The following CHSY3 variants were observed in gnomAD, a reference collection of about 807,000 sequenced individuals.
CHSY3 encodes chondroitin sulfate synthase 3, also known as N-acetylgalactosaminyl-proteoglycan 3-beta-glucuronosyltransferase 3.
Under a neutral mutation model 67.2 loss-of-function variants are expected in CHSY3, and 35 were observed. The ratio of observed to expected loss-of-function variants is 0.52; its 90% CI spans 0.40 to 0.69. The LOEUF (loss-of-function observed/expected upper bound fraction) is 0.69, where lower values mean the gene tolerates loss of function less well. CHSY3 is among the 30% of genes least tolerant of loss of function. The pLI is 0.00. For missense variants in CHSY3, 1,069 were observed against 1,138.5 expected (o/e 0.94, Z 0.88); for synonymous variants, 474 against 434.7 (o/e 1.09, Z -1.12).
At chr5:130,030,540 T>G (rs1374649195) in intron 2 of CHSY3, among the ~76,000 whole-genome samples, 1 of 152,204 alleles carries the variant, frequency 6.6e-6, no homozygotes, top group African/African-American at 2.4e-5. Context: ...ATAGGGAAAT[T>G]TTAATGTTAT....
At chr5:130,008,833 A>G (rs1456265909) in intron 2 of CHSY3, among the ~76,000 whole-genome samples, 2 of 152,240 alleles carry the variant, frequency 1.3e-5, no homozygotes, top group African/African-American at 4.8e-5. Flanking sequence ...AAGTATTCAC[A>G]GCAGAGCAGA....
chr5:130,147,398 T>G (rs1769104872), intron 2 of CHSY3, among the ~76,000 whole-genome samples: 1 of 152,184 alleles, frequency 6.6e-6, no homozygotes, highest in Admixed American at 6.5e-5. Flanking sequence ...AATTAATGCA[T>G]TTGTTTCCTT....
chr5:129,904,952 C>T lies in CHSY3; in HGVS notation c.123C>T (p.Gly41=). 3 of 1,559,158 alleles carry T rather than the reference C, an allele frequency of 1.9e-6. No individual in the cohort carries two copies. The highest frequency in any genetic ancestry group is 2.6e-6 in the Non-Finnish European group (3 of 1,157,398). ...VAELSERKRR[G]SSLCSYYGRS... ...AGCTGAGCGAGAGGAAGAGACGTGG[C>T]TCCAGCCTCTGCTCCTACTACGGTC... Residue 41 remains glycine (G), a synonymous_variant, in exon 1 of 3, where the codon GGC becomes GGT. Coordinates refer to ENST00000305031, the MANE Select transcript of CHSY3 (RefSeq NM_175856.5).
chr5:130,152,589 T>C (rs556120139), intron 2 of CHSY3, among the ~76,000 whole-genome samples: 2 of 152,262 alleles, frequency 1.3e-5, no homozygotes, highest in East Asian at 1.9e-4. Context: ...CTTGCTAAAA[T>C]TGGAGGTAAA....
At chr5:130,088,775 G>A (rs1580722003) in intron 2 of CHSY3, among the ~76,000 whole-genome samples, 1 of 152,100 alleles carries the variant, frequency 6.6e-6, no homozygotes, top group African/African-American at 2.4e-5. Flanking sequence ...TTGTTGGTGG[G>A]ACTGTAAACT....
intron 2 of CHSY3, among the ~76,000 whole-genome samples, chr5:130,018,082 T>G (rs982967658): frequency 6.6e-6 from 1 of 152,192 alleles, no homozygotes; most frequent in Non-Finnish European, 1.5e-5. Context: ...GTTCTTTTGT[T>G]TTTTAACAGA....
intron 2 of CHSY3, among the ~76,000 whole-genome samples, chr5:129,931,514 T>C (rs1761307449): frequency 6.6e-6 from 1 of 152,268 alleles, no homozygotes; most frequent in Middle Eastern, 3.4e-3. Flanking sequence ...ATTATACAAG[T>C]TATTGTGGCA....
intron 2 of CHSY3, among the ~76,000 whole-genome samples, chr5:130,036,918 C>G (rs1436213834): frequency 3.3e-5 from 5 of 152,010 alleles, no homozygotes; most frequent in Non-Finnish European, 5.9e-5. Flanking sequence ...ATGATAAATT[C>G]CATGCTAAGT....
At position 129,905,182 on chromosome 5, in the gene CHSY3, C is replaced by A; in HGVS notation, c.353C>A (p.Pro118His). 3 of 1,522,330 alleles carry A rather than the reference C, an allele frequency of 2.0e-6. No individual in the cohort carries two copies. The highest frequency in any genetic ancestry group is 2.4e-5 in the South Asian group (2 of 82,306). The allele number at this position is 1,522,330 out of a possible 1,614,324, so 94.3% of individuals were successfully genotyped here. Reference sequence around the variant, plus strand: ...CAGCAGCGGCGGCGAGGACGCGAGCCTGAGGGCGCGACGGGGCTTCCCGGT... The same window carrying A: ...CAGCAGCGGCGGCGAGGACGCGAGCATGAGGGCGCGACGGGGCTTCCCGGT... The part of the protein sequence containing the change: ...PLQQRRRGRE[P>H]EGATGLPGAP... Residue 118 changes from proline to histidine, a missense_variant, in exon 1 of 3, where the codon CCT (proline) becomes CAT (histidine). By Grantham distance (77) the Pro-to-His change is moderately conservative. This residue lies in a region of CHSY3 where 309 missense variants were observed against 262.5 expected (regional missense o/e 1.18). Coordinates refer to ENST00000305031, the MANE Select transcript of CHSY3 (RefSeq NM_175856.5).
intron 2 of CHSY3, among the ~76,000 whole-genome samples, chr5:129,925,279 T>C (rs990381645): frequency 6.6e-6 from 1 of 152,060 alleles, no homozygotes; most frequent in Non-Finnish European, 1.5e-5. Context: ...GTGGTTGATA[T>C]ATAAACATTC....
At chr5:130,124,370 T>G (rs1768186329) in intron 2 of CHSY3, among the ~76,000 whole-genome samples, 1 of 152,190 alleles carries the variant, frequency 6.6e-6, no homozygotes, top group Non-Finnish European at 1.5e-5. Flanking sequence ...ATTTTCATAA[T>G]GTTGTCTGTA....
At chr5:129,995,889 C>A (rs922242077) in intron 2 of CHSY3, among the ~76,000 whole-genome samples, 1 of 151,956 alleles carries the variant, frequency 6.6e-6, no homozygotes, top group Admixed American at 6.6e-5. Context: ...TATCTCCAAT[C>A]TCCCATCTTT....
rs1421731538 is a variant in CHSY3, at chr5:129,909,819, G to T, written c.1086+1459G>T. ...GTTTTGCAGGTATTTACTTTGCATG[G>T]ATAAGTAAAAAAATATTTGTGTGGA... On this transcript the variant is annotated intron_variant, in intron 2 of 2. Coordinates refer to ENST00000305031, the MANE Select transcript of CHSY3 (RefSeq NM_175856.5). Among the ~76,000 whole-genome samples the T allele has an allele frequency of 5.3e-5, 8 of 151,874 alleles. 1 individual carries two copies. The highest frequency in any genetic ancestry group is 5.2e-4 in the Admixed American group (8 of 15,244).
intron 2 of CHSY3, among the ~76,000 whole-genome samples, chr5:130,124,332 T>C (rs1768183745): frequency 6.6e-6 from 1 of 151,640 alleles, no homozygotes; most frequent in Admixed American, 6.6e-5. Flanking sequence ...TCTTCAGCTA[T>C]TCTTCTGAGA....
At chr5:130,129,018 G>A (rs1768393961) in intron 2 of CHSY3, among the ~76,000 whole-genome samples, 1 of 151,484 alleles carries the variant, frequency 6.6e-6, no homozygotes, top group African/African-American at 2.4e-5. Flanking sequence ...AGTAGGAAAT[G>A]TGCTCAGGCA....
chr5:129,983,329 A>T (rs1446888253), intron 2 of CHSY3, among the ~76,000 whole-genome samples: 1 of 152,104 alleles, frequency 6.6e-6, no homozygotes, highest in African/African-American at 2.4e-5. Flanking sequence ...TCACAGAGAC[A>T]GTGTGATTAG....
At chr5:129,917,230 G>C (rs1022759660) in intron 2 of CHSY3, among the ~76,000 whole-genome samples, 2 of 152,032 alleles carry the variant, frequency 1.3e-5, no homozygotes, top group African/African-American at 2.4e-5. Context: ...GTCTACAATG[G>C]GTCAGCCCTC....
intron 2 of CHSY3, among the ~76,000 whole-genome samples, chr5:129,992,208 C>G (rs1475888443): frequency 6.6e-6 from 1 of 152,126 alleles, no homozygotes; most frequent in East Asian, 1.9e-4. Context: ...TTTGCTAAGG[C>G]ACACACTTTC....
intron 2 of CHSY3, chr5:130,051,941 T>TAAAAAAAA (rs35417185): frequency 7.0e-6 from 1 of 143,438 alleles, no homozygotes; most frequent in Non-Finnish European, 1.5e-5. Context: ...TTAAAATTCT[T>TAAAAAAAA]AAAAAAAAAA....
Sources: allele counts gnomAD v4.1 joint callset (sites outside exome capture counted in the v4.1 genomes callset), GRCh38; gene constraint gnomAD v4.1.1; regional missense constraint gnomAD v4.1.1; transcripts MANE v1.5; gene names NCBI Gene and HGNC (gene_info 2026-07-23, HGNC 2026-07-21).